The following ZSWIM9 variants were observed in gnomAD, a reference collection of about 807,000 sequenced individuals.
ZSWIM9 encodes the protein zinc finger SWIM-type containing 9, also known as uncharacterized protein ZSWIM9.
Under a neutral mutation model 25.0 loss-of-function variants are expected in ZSWIM9, and 11 were observed. The observed-to-expected ratio is 0.44, with a 90% confidence interval of 0.28 to 0.73. The LOEUF is 0.73. ZSWIM9 is among the 30% of genes least tolerant of loss of function. The probability of loss-of-function intolerance (pLI) is 0.16; values close to 1 mark genes in which losing one functional copy is unlikely to be tolerated. For missense variants in ZSWIM9, 1,070 were observed against 1,296.5 expected (o/e 0.83, Z 2.68); for synonymous variants, 562 against 582.1 (o/e 0.97, Z 0.50).
intron 3 of ZSWIM9, among the ~76,000 whole-genome samples, chr19:48,187,522 ATATAT>A (rs1568579659): frequency 3.6e-5 from 3 of 83,070 alleles, no homozygotes; most frequent in African/African-American, 1.1e-4. Flanking sequence ...TATATATATT[ATATAT>A]TATATTATTA....
At chr19:48,189,349 A>ACAAG (rs1322682001) in intron 3 of ZSWIM9, 1 of 152,214 alleles carries the variant, frequency 6.6e-6, no homozygotes, top group Non-Finnish European at 1.5e-5. Context: ...CGGGCAGATC[A>ACAAG]CAAGGTCAGG....
rs1219637409 is a variant in ZSWIM9, at chr19:48,177,037, T to G, written c.275+4960T>G. 2.0e-5 allele frequency among the ~76,000 whole-genome samples: 3 copies of G among 151,830 alleles called. No individual in the cohort carries two copies. The South Asian group carries it at 6.2e-4, about 32-fold the overall frequency. On this transcript the variant is annotated intron_variant, in intron 2 of 3. Transcript: ENST00000614654. ...TTGCAGTGAGCCAAGATTGTGCCAC[T>G]GGGGACAGAGTGAGACTCCGTCTCC...
Position 48,172,763 on chromosome 19 carries a change from G to A in ZSWIM9, c.275+686G>A, listed in dbSNP as rs187946553. Among the ~76,000 whole-genome samples the A allele has an allele frequency of 3.9e-3, 599 of 152,128 alleles. 2 individuals carry two copies. The highest frequency in any genetic ancestry group is 0.014 in the African/African-American group (569 of 41,470). ...ACTCATGACCTCAGGTGATCTGCCCGTCTTGCCTCCCAAAGTGCTGGGATT... is the reference window on the plus strand; with the variant it reads ...ACTCATGACCTCAGGTGATCTGCCCATCTTGCCTCCCAAAGTGCTGGGATT... On this transcript the variant is annotated intron_variant, in intron 2 of 3. Coordinates refer to ENST00000614654, the MANE Select transcript of ZSWIM9 (RefSeq NM_199341.4).
chr19:48,179,150 C>G (rs1187885106), intron 2 of ZSWIM9, among the ~76,000 whole-genome samples: 1 of 150,916 alleles, frequency 6.6e-6, no homozygotes, highest in East Asian at 1.9e-4. Flanking sequence ...ATTTTTTTTT[C>G]CTATTCCCTT....
chr19:48,178,782 G>T (rs1390298917), intron 2 of ZSWIM9, among the ~76,000 whole-genome samples: 2 of 152,046 alleles, frequency 1.3e-5, no homozygotes, highest in Non-Finnish European at 2.9e-5. Flanking sequence ...CCCCACGTTG[G>T]TCAGACTGGT....
intron 3 of ZSWIM9, among the ~76,000 whole-genome samples, chr19:48,185,137 C>CTTTT (rs34561252): frequency 8.0e-6 from 1 of 124,328 alleles, no homozygotes; most frequent in South Asian, 2.5e-4. Flanking sequence ...TGCTTTCATA[C>CTTTT]TTTTTTTTTT....
chr19:48,187,634 A>G (rs2037046029), intron 3 of ZSWIM9: 1 of 111,550 alleles, frequency 9.0e-6, no homozygotes, highest in Non-Finnish European at 1.7e-5. Flanking sequence ...TATGTAACGC[A>G]TAACATGTAA....
intron 3 of ZSWIM9, among the ~76,000 whole-genome samples, chr19:48,185,507 A>G (rs1250750452): frequency 6.6e-6 from 1 of 152,208 alleles, no homozygotes; most frequent in Admixed American, 6.5e-5. Flanking sequence ...CAACATTTAA[A>G]TATTTACTTT....
chr19:48,185,816 A>C (rs2037005015), intron 3 of ZSWIM9, among the ~76,000 whole-genome samples: 1 of 152,102 alleles, frequency 6.6e-6, no homozygotes, highest in Admixed American at 6.6e-5. Context: ...GCAAAACCTG[A>C]TCTCTACTAA....
At chr19:48,186,305 TTG>T (rs2037010825) in intron 3 of ZSWIM9, among the ~76,000 whole-genome samples, 1 of 151,102 alleles carries the variant, frequency 6.6e-6, no homozygotes, top group Non-Finnish European at 1.5e-5. Flanking sequence ...GTTTGTTTGT[TTG>T]TTTGTTCTTT....
At chr19:48,185,324 G>A (rs1599928815) in intron 3 of ZSWIM9, among the ~76,000 whole-genome samples, 1 of 151,862 alleles carries the variant, frequency 6.6e-6, no homozygotes, top group Admixed American at 6.6e-5. Context: ...TAGAAGAGAC[G>A]GGGTTTCTCC....
At chr19:48,174,380 C>G (rs556339157) in intron 2 of ZSWIM9, among the ~76,000 whole-genome samples, 29 of 152,204 alleles carry the variant, frequency 1.9e-4, no homozygotes, top group Admixed American at 1.6e-3. Context: ...GAGAAAAACA[C>G]ATAACCCTGG....
chr19:48,196,721 G>A lies in ZSWIM9; in HGVS notation c.2657G>A (p.Arg886His), dbSNP rs559664240. ...TGCAGCTGCTCAATTCACGCCGCCC[G>A]CCGTCTGCCCTGCAGACACCTCTTT... is the stretch of plus-strand genomic sequence containing the variant. ...TRCSCSIHAA[R>H]RLPCRHLFAA... The change falls in exon 4 of 4, where the codon CGC (arginine) becomes CAC (histidine). Residue 886 changes from arginine (R) to histidine (H), a missense_variant. Physicochemically the swap from Arg to His is conservative, Grantham distance 29. This residue lies in a region of ZSWIM9 where 583 missense variants were observed against 624.7 expected (regional missense o/e 0.93). Transcript: ENST00000614654. The A allele has an allele frequency of 2.4e-6, 3 of 1,232,894 alleles. No homozygotes were observed. Among genetic ancestry groups the A allele is most frequent in the Non-Finnish European group, 3.0e-6 (3 of 988,578 alleles). The allele number at this position is 1,232,894 out of a possible 1,614,324, so 76.4% of individuals were successfully genotyped here.
chr19:48,185,645 T>G (rs867983629), intron 3 of ZSWIM9, among the ~76,000 whole-genome samples: 2 of 152,174 alleles, frequency 1.3e-5, no homozygotes, highest in African/African-American at 4.8e-5. Flanking sequence ...TCGCTTTCTA[T>G]CCTATGGACC....
chr19:48,178,494 T>A (rs897985691), intron 2 of ZSWIM9, among the ~76,000 whole-genome samples: 13 of 152,218 alleles, frequency 8.5e-5, no homozygotes, highest in African/African-American at 3.1e-4. Flanking sequence ...GTTTCTTAAC[T>A]ACATACCAGG....
chr19:48,181,312 G>A (rs989745502), intron 2 of ZSWIM9: 1 of 152,188 alleles, frequency 6.6e-6, no homozygotes, highest in African/African-American at 2.4e-5. Context: ...CCTAACGATA[G>A]AGGTTAACTT....
intron 3 of ZSWIM9, among the ~76,000 whole-genome samples, chr19:48,183,830 G>A (rs916588711): frequency 4.8e-5 from 7 of 145,458 alleles, no homozygotes; most frequent in African/African-American, 1.3e-4. Context: ...GAGATGTTTG[G>A]CGGGGGGGGG....
chr19:48,194,910 G>T lies in ZSWIM9; in HGVS notation c.846G>T (p.Ala282=), dbSNP rs1599937480. ...CGCTCGCGTCGCTGCTGCAGAGCGCGCCAGACGTCAAGGGCCGCGTGCGCT... is the reference window on the plus strand; with the variant it reads ...CGCTCGCGTCGCTGCTGCAGAGCGCTCCAGACGTCAAGGGCCGCGTGCGCT... ...RFALASLLQS[A]PDVKGRVRCL... is the part of the protein sequence containing the mutation. The change falls in exon 4 of 4, where the codon GCG becomes GCT. Residue 282 remains alanine, a synonymous_variant. Transcript: ENST00000614654. This position sits in a 1 kb window ranked among gnomAD's most constrained non-coding sequence, Gnocchi z 6.0. 7.6e-7 allele frequency: 1 copy of T among 1,314,390 alleles called. No homozygotes were observed. Among genetic ancestry groups the T allele is most frequent in the Non-Finnish European group, 9.7e-7 (1 of 1,034,458 alleles). 81.4% of individuals were successfully genotyped at this position (1,314,390 alleles called of 1,614,324 possible). A position where few individuals can be genotyped will look rare whatever the true frequency, so the allele number is the denominator to read the frequency against.
chr19:48,184,813 T>C (rs2036991753), intron 3 of ZSWIM9, among the ~76,000 whole-genome samples: 1 of 152,106 alleles, frequency 6.6e-6, no homozygotes, highest in African/African-American at 2.4e-5. Flanking sequence ...ACACAGCTAT[T>C]TAGTGACAGA....
Sources: allele counts gnomAD v4.1 joint callset (sites outside exome capture counted in the v4.1 genomes callset), GRCh38; gene constraint gnomAD v4.1.1; regional missense constraint gnomAD v4.1.1; non-coding constraint Gnocchi (gnomAD v3.1); transcripts MANE v1.5; gene names NCBI Gene and HGNC (gene_info 2026-07-23, HGNC 2026-07-21).